ATAD1: variants seen among roughly 807,000 people sequenced by gnomAD.
ATAD1 encodes ATPase family AAA domain containing 1.
In ATAD1, 18 loss-of-function variants were observed where a neutral mutation model predicts 42.7. The observed-to-expected ratio is 0.42, with a 90% CI of 0.29 to 0.63. ATAD1 has a LOEUF of 0.63. Ranked by LOEUF, ATAD1 falls within the 20% of genes least tolerant of loss-of-function variation. The pLI is 0.19. For synonymous variants in ATAD1, 132 were observed against 143.1 expected, an observed-to-expected ratio of 0.92 and a Z score of 0.55; for missense variants, 294 against 440.4, an observed-to-expected ratio of 0.67 and a Z score of 2.98.
chr10:87,785,787 T>C (rs1050830594), intron 4 of ATAD1, among the ~76,000 whole-genome samples: 57 of 152,034 alleles, frequency 3.7e-4, no homozygotes, highest in African/African-American at 1.3e-3. Flanking sequence ...ATTTTTCACA[T>C]CAAACACTTC....
At chr10:87,798,203 G>T (rs1856491870) in intron 2 of ATAD1, among the ~76,000 whole-genome samples, 1 of 152,192 alleles carries the variant, frequency 6.6e-6, no homozygotes, top group South Asian at 2.1e-4. Context: ...GTGACACACT[G>T]TGGAGTCCTG....
At chr10:87,759,813 C>G (rs1445288343) in intron 8 of ATAD1, 5 of 453,440 alleles carry the variant, frequency 1.1e-5, no homozygotes, top group Non-Finnish European at 4.4e-6. Context: ...AATATGTACT[C>G]CTTAGATAAA....
chr10:87,798,005 C>G (rs922217210), intron 2 of ATAD1, among the ~76,000 whole-genome samples: 4 of 152,096 alleles, frequency 2.6e-5, no homozygotes, highest in African/African-American at 9.7e-5. Flanking sequence ...TGGGAGTGTA[C>G]AGGGGGTTAA....
Position 87,823,747 on chromosome 10 carries a change from G to A in ATAD1, c.-13-9135C>T, listed in dbSNP as rs79129851. Among the ~76,000 whole-genome samples, 532 of 152,222 alleles carry A rather than the reference G, an allele frequency of 3.5e-3. 6 individuals are homozygous for A. The highest frequency in any genetic ancestry group is 0.012 in the African/African-American group (506 of 41,544). ...GGCTTCCCATCCTTTATAACCTAGA[G>A]CAATTTTTGCTGTAAGTAGGTCACT... On this transcript the variant is annotated intron_variant, in intron 1 of 4. Coordinates refer to the ATAD1 transcript ENST00000495903.
At chr10:87,816,896 T>C (rs1189088791) in intron 1 of ATAD1, among the ~76,000 whole-genome samples, 1 of 152,170 alleles carries the variant, frequency 6.6e-6, no homozygotes, top group African/African-American at 2.4e-5. Context: ...TTGGTAGTGA[T>C]AAAACTACCA....
intron 2 of ATAD1, among the ~76,000 whole-genome samples, chr10:87,801,051 G>A (rs943823243): frequency 2.6e-5 from 4 of 152,156 alleles, no homozygotes; most frequent in African/African-American, 9.7e-5. Context: ...GGTTATAAAT[G>A]CTGTGAAAGG....
At chr10:87,802,406 C>T (rs1321312808) in intron 2 of ATAD1, among the ~76,000 whole-genome samples, 1 of 152,036 alleles carries the variant, frequency 6.6e-6, no homozygotes, top group Non-Finnish European at 1.5e-5. Context: ...AGGAATTCAC[C>T]CAATTCACAG....
At chr10:87,785,759 C>T (rs1043399791) in intron 4 of ATAD1, among the ~76,000 whole-genome samples, 9 of 151,424 alleles carry the variant, frequency 5.9e-5, no homozygotes, top group Admixed American at 3.3e-4. Flanking sequence ...CACCTGATTC[C>T]ATAACTCTAG....
At chr10:87,828,128 T>C (rs554725325) in intron 1 of ATAD1, among the ~76,000 whole-genome samples, 1 of 152,192 alleles carries the variant, frequency 6.6e-6, no homozygotes, top group African/African-American at 2.4e-5. Flanking sequence ...TGGCTAATTT[T>C]TTTTTTTTAA....
At chr10:87,806,720 T>G (rs11202565) in intron 2 of ATAD1, among the ~76,000 whole-genome samples, 53,534 of 151,954 alleles carry the variant, frequency 0.35, 10,155 homozygotes, top group African/African-American at 0.49. Context: ...TCTGGCATAA[T>G]AATTATTTTG....
chr10:87,757,953 T>A (rs1411107215), intron 8 of ATAD1, among the ~76,000 whole-genome samples: 1 of 152,178 alleles, frequency 6.6e-6, no homozygotes, highest in Non-Finnish European at 1.5e-5. Context: ...TGAAGATAAA[T>A]CATGTTTTTT....
At chr10:87,790,455 A>G (rs1206079792) in intron 3 of ATAD1, 25 bp from the exon 4 acceptor site, 9 of 1,583,862 alleles carry the variant, frequency 5.7e-6, no homozygotes, top group Non-Finnish European at 7.7e-6. Context: ...GGTCAACATG[A>G]ATTTTACTAC....
intron 1 of ATAD1, chr10:87,832,886 CT>C (rs1445939011): frequency 3.9e-5 from 6 of 152,200 alleles, no homozygotes; most frequent in Admixed American, 3.9e-4. Context: ...GATTGTGCTA[CT>C]ATCAGCATGG....
chr10:87,839,457 T>C lies in ATAD1; in HGVS notation c.-14+1730A>G, dbSNP rs200512785. On this transcript the variant is annotated intron_variant, in intron 1 of 4. Transcript: ENST00000495903. Reference sequence around the variant, plus strand: ...ATAATATAAATGAGTAGAAGGAAGATAAAGCAATTTGCTTGTCTTCTGCAG... The same window carrying C: ...ATAATATAAATGAGTAGAAGGAAGACAAAGCAATTTGCTTGTCTTCTGCAG... Among the ~76,000 whole-genome samples the C allele has an allele frequency of 3.9e-5, 6 of 152,230 alleles. No homozygotes were observed. In the East Asian group the frequency reaches 1.2e-3, roughly 29 times the overall value.
chr10:87,816,689 A>C (rs144894385), intron 1 of ATAD1, among the ~76,000 whole-genome samples: 14 of 152,336 alleles, frequency 9.2e-5, no homozygotes, highest in African/African-American at 2.9e-4. Flanking sequence ...CGGGTTACAC[A>C]ATATTTCACT....
At chr10:87,803,738 G>T (rs1241881351) in intron 2 of ATAD1, among the ~76,000 whole-genome samples, 3 of 152,178 alleles carry the variant, frequency 2.0e-5, no homozygotes, top group Admixed American at 1.3e-4. Context: ...TCTCAACCTT[G>T]GCAAAATAAA....
At chr10:87,762,906 TAAA>T (rs111774830) in intron 8 of ATAD1, among the ~76,000 whole-genome samples, 2 of 106,030 alleles carry the variant, frequency 1.9e-5, no homozygotes, top group South Asian at 3.0e-4. Context: ...CCGTCTCTAC[TAAA>T]AAAAAAAAAA....
intron 7 of ATAD1, 40 bp from the exon 8 acceptor site, chr10:87,767,763 T>C: frequency 1.3e-6 from 2 of 1,562,112 alleles, no homozygotes; most frequent in Non-Finnish European, 1.7e-6. Context: ...TTTTATTTTT[T>C]ATTTTTTTAA....
In ATAD1 at chr10:87,784,608, C is replaced by T; in HGVS notation, c.445G>A (p.Glu149Lys). ...AGGTTAATAAATCGACAGCCTGCTT[C>T]TTTGGCTGTGGCCTTGGCAATCAAC... ...KTLIAKATAK[E>K]AGCRFINLQP... Residue 149 changes from glutamate to lysine, a missense_variant, in exon 5 of 10, where the codon GAA (glutamate) becomes AAA (lysine). Physicochemically the swap from Glu to Lys is moderately conservative, Grantham distance 56. Coordinates refer to ENST00000680024, the MANE Select transcript of ATAD1 (RefSeq NM_001321967.2). The T allele has an allele frequency of 6.2e-7, 1 of 1,613,362 alleles. No individual in the cohort carries two copies. The highest frequency in any genetic ancestry group is 8.5e-7 in the Non-Finnish European group (1 of 1,179,902).
Sources: allele counts gnomAD v4.1 joint callset (sites outside exome capture counted in the v4.1 genomes callset), GRCh38; gene constraint gnomAD v4.1.1; transcripts MANE v1.5; gene names NCBI Gene and HGNC (gene_info 2026-07-23, HGNC 2026-07-21).